The following POM121 variants were observed in gnomAD, a reference collection of about 807,000 sequenced individuals.
The protein encoded by POM121 is nuclear envelope pore membrane protein POM 121.
A neutral mutation model predicts 81.3 loss-of-function variants in POM121; 32 were observed. The observed-to-expected ratio is 0.39, with a 90% CI of 0.30 to 0.53. The LOEUF (loss-of-function observed/expected upper bound fraction) is 0.53. Ranked by LOEUF, POM121 falls within the 20% of genes least tolerant of loss-of-function variation. The pLI is 0.66. For synonymous variants in POM121, 514 were observed against 694.2 expected, an observed-to-expected ratio of 0.74 and a Z score of 4.08; for missense variants, 1,138 against 1,614.6, an observed-to-expected ratio of 0.70 and a Z score of 5.06.
Position 72,926,418 on chromosome 7 carries a change from G to A in POM121, c.801G>A (p.Val267=), listed in dbSNP as rs1795451018. The A allele has an allele frequency of 9.3e-6, 15 of 1,614,020 alleles. No individual in the cohort carries two copies. The highest frequency in any genetic ancestry group is 1.3e-5 in the Non-Finnish European group (15 of 1,179,872). Residue 267 remains valine (V), a synonymous_variant, in exon 2 of 13, where the codon GTG becomes GTA. Transcript: ENST00000434423. The part of the protein sequence containing the change: ...AVLSPRNSRM[V]CSPVTVRIAP... Reference sequence around the variant, plus strand: ...TGTCCCCTCGCAACTCCAGGATGGTGTGTAGCCCAGTGACTGTGAGGATCG... The same window carrying A: ...TGTCCCCTCGCAACTCCAGGATGGTATGTAGCCCAGTGACTGTGAGGATCG...
intron 5 of POM121, among the ~76,000 whole-genome samples, chr7:72,931,296 C>G (rs1795994600): frequency 6.6e-6 from 1 of 152,058 alleles, no homozygotes; most frequent in Non-Finnish European, 1.5e-5. Context: ...GCTTTTTGCC[C>G]ACCTTCCCAA....
chr7:72,940,118 G>A, intron 8 of POM121, 150 bp downstream of exon 8: 3 of 1,027,290 alleles, frequency 2.9e-6, no homozygotes, highest in Non-Finnish European at 4.2e-6. Flanking sequence ...AGGCTGGAGT[G>A]CAGTGGCTCG....
In POM121 at chr7:72,926,369, A is replaced by G; in HGVS notation, c.752A>G (p.Asn251Ser). 6.2e-7 allele frequency: 1 copy of G among 1,613,956 alleles called. No individual in the cohort carries two copies. Residue 251 changes from asparagine to serine, a missense_variant, in exon 2 of 13, where the codon AAT becomes AGT. Transcript: ENST00000434423. ...CLGVLPTVCW[N>S]GYHKKAVLSP... Reference sequence around the variant, plus strand: ...GGGGTACTTCCCACCGTGTGCTGGAATGGTTATCACAAGAAGGCTGTGCTG... The same window carrying G: ...GGGGTACTTCCCACCGTGTGCTGGAGTGGTTATCACAAGAAGGCTGTGCTG...
chr7:72,948,485 C>G (rs1554503854), downstream of POM121: 2 of 1,613,532 alleles, frequency 1.2e-6, no homozygotes, highest in East Asian at 4.5e-5. Context: ...GGAGCCTCTG[C>G]TATGTGCAAG....
intron 3 of POM121, among the ~76,000 whole-genome samples, chr7:72,927,951 C>T (rs1795628579): frequency 6.6e-6 from 1 of 152,078 alleles, no homozygotes; most frequent in South Asian, 2.1e-4. Context: ...CACGCTTGTA[C>T]TCCTAACACT....
At chr7:72,915,115 G>A (rs1260360269) in intron 4 of POM121, among the ~76,000 whole-genome samples, 2 of 152,128 alleles carry the variant, frequency 1.3e-5, no homozygotes, top group Non-Finnish European at 2.9e-5. Context: ...ACAAACTTTA[G>A]GTAGCTTGGT....
At chr7:72,881,585 A>G (rs1367650103) in intron 1 of POM121, among the ~76,000 whole-genome samples, 2 of 151,416 alleles carry the variant, frequency 1.3e-5, no homozygotes, top group African/African-American at 2.4e-5. Flanking sequence ...ATGTTCCTCA[A>G]TTTTATTTTA....
chr7:72,946,094 C>T (rs1340257348), intron 12 of POM121, 43 bp from the exon 13 acceptor site: 1 of 1,604,090 alleles, frequency 6.2e-7, no homozygotes, highest in Non-Finnish European at 8.5e-7. Flanking sequence ...GTCAGAGTCT[C>T]AGGTAGCAGC....
rs151002333 is a variant in POM121 at position 72,928,483 on chromosome 7, C to T, written c.1103+18C>T. ...GTGCCTAAGTAAGTGGGAGTCCATC[C>T]GGATGAAATACCAACTGTTTGGAAA... On this transcript the variant is annotated intron_variant, in intron 4 of 12. Coordinates refer to ENST00000434423, the MANE Select transcript of POM121 (RefSeq NM_001387691.1). 6.5e-5 allele frequency: 105 copies of T among 1,609,514 alleles called. 1 individual carries two copies. The South Asian group carries it at 7.4e-4, about 11-fold the overall frequency.
At chr7:72,905,424 C>T (rs1554493273) in intron 3 of POM121, among the ~76,000 whole-genome samples, 1 of 152,084 alleles carries the variant, frequency 6.6e-6, no homozygotes, top group African/African-American at 2.4e-5. Context: ...TTTGTTTTGG[C>T]TGGGCATGGT....
At chr7:72,893,483 C>T (rs764779371) in intron 3 of POM121, among the ~76,000 whole-genome samples, 76 of 152,120 alleles carry the variant, frequency 5.0e-4, no homozygotes, top group Non-Finnish European at 8.5e-4. Flanking sequence ...ACTTGGGAGG[C>T]TGAGGCAAGA....
At chr7:72,938,394 T>C (rs1480490096) in intron 5 of POM121, among the ~76,000 whole-genome samples, 196 bp from the exon 6 acceptor site, 1 of 152,114 alleles carries the variant, frequency 6.6e-6, no homozygotes, top group Non-Finnish European at 1.5e-5. Context: ...TCTCGCTATG[T>C]TACCCAGGCT....
In POM121 at chr7:72,930,448, C is replaced by G. The variant is rs543794981; in HGVS notation, c.1275+337C>G. Reference sequence around the variant, plus strand: ...TAGGCCAGCGGAATGGAGTAGAAAGCCCAGAATGTACAGCAGTGCATGTGT... The same window carrying G: ...TAGGCCAGCGGAATGGAGTAGAAAGGCCAGAATGTACAGCAGTGCATGTGT... On this transcript the variant is annotated intron_variant, in intron 5 of 12. Transcript: ENST00000434423. 3.9e-5 allele frequency among the ~76,000 whole-genome samples: 6 copies of G among 152,270 alleles called. No homozygotes were observed. In the East Asian group the frequency reaches 9.6e-4, roughly 24 times the overall value.
chr7:72,890,216 A>G (rs1225590876), intron 1 of POM121, among the ~76,000 whole-genome samples: 7 of 152,202 alleles, frequency 4.6e-5, no homozygotes, highest in Non-Finnish European at 1.0e-4. Flanking sequence ...AAGACCAGGA[A>G]CTGAGTGGTG....
chr7:72,925,066 C>T (rs1434813820), upstream of POM121: 5 of 1,356,436 alleles, frequency 3.7e-6, no homozygotes, highest in Admixed American at 2.0e-4. Flanking sequence ...GATGACGCGA[C>T]GCGCGGCGCG....
chr7:72,926,396 C>T lies in POM121; in HGVS notation c.779C>T (p.Ser260Phe), dbSNP rs1165327630. 3.1e-6 allele frequency: 5 copies of T among 1,613,876 alleles called. No homozygotes were observed. The highest frequency in any genetic ancestry group is 4.2e-6 in the Non-Finnish European group (5 of 1,179,878). The change falls in exon 2 of 13, where the codon TCC (serine) becomes TTC (phenylalanine). Residue 260 changes from serine (S) to phenylalanine (F), a missense_variant. Coordinates refer to ENST00000434423, the MANE Select transcript of POM121 (RefSeq NM_001387691.1). The part of the protein sequence containing the change: ...WNGYHKKAVL[S>F]PRNSRMVCSP... The stretch of plus-strand genomic sequence containing the variant: ...GGTTATCACAAGAAGGCTGTGCTGT[C>T]CCCTCGCAACTCCAGGATGGTGTGT...
chr7:72,914,932 C>T (rs1263815960), intron 4 of POM121, among the ~76,000 whole-genome samples: 1 of 152,184 alleles, frequency 6.6e-6, no homozygotes, highest in East Asian at 1.9e-4. Flanking sequence ...CCTGACCCAC[C>T]TGTTGGTGAG....
rs782438541 is a variant in POM121, at chr7:72,943,267, A to G, written c.3274A>G (p.Thr1092Ala). Residue 1092 changes from threonine (T) to alanine (A), a missense_variant, in exon 11 of 13, where the codon ACA becomes GCA. Physicochemically the swap from Thr to Ala is moderately conservative, Grantham distance 58. Coordinates refer to ENST00000434423, the MANE Select transcript of POM121 (RefSeq NM_001387691.1). ...GAGCAGCAGCTCGGTGTTTGGCAGCACAACACCATCACCCTTCACGTTTGG... is the reference window on the plus strand; with the variant it reads ...GAGCAGCAGCTCGGTGTTTGGCAGCGCAACACCATCACCCTTCACGTTTGG... ...SGSSSSVFGS[T>A]TPSPFTFGGS... 9 of 1,610,240 alleles carry G rather than the reference A, an allele frequency of 5.6e-6. No individual in the cohort carries two copies. Among genetic ancestry groups the G allele is most frequent in the African/African-American group, 4.0e-5 (3 of 74,824 alleles).
chr7:72,896,188 T>A (rs1554491705), intron 3 of POM121, among the ~76,000 whole-genome samples: 1 of 151,824 alleles, frequency 6.6e-6, no homozygotes, highest in African/African-American at 2.4e-5. Flanking sequence ...AGTTTAAAAA[T>A]ATATATATAT....
Sources: allele counts gnomAD v4.1 joint callset (sites outside exome capture counted in the v4.1 genomes callset), GRCh38; gene constraint gnomAD v4.1.1; transcripts MANE v1.5; gene names NCBI Gene and HGNC (gene_info 2026-07-23, HGNC 2026-07-21).